Variants in STX7 observed in about 807,000 individuals in gnomAD.
STX7 encodes the protein syntaxin-7.
STX7 carries 34 observed loss-of-function variants against 39.6 expected under a neutral mutation model. That is an observed-to-expected ratio of 0.86 (90% CI 0.65 to 1.14). The LOEUF (loss-of-function observed/expected upper bound fraction) is 1.14, where lower values mean the gene tolerates loss of function less well. STX7 is among the 50% of genes most tolerant of loss of function. The pLI, the probability that STX7 is intolerant of heterozygous loss-of-function variation, is 0.00. For missense variants in STX7, 284 were observed against 310.4 expected (o/e 0.92, Z 0.64); for synonymous variants, 119 against 99.1 (o/e 1.20, Z -1.19).
intron 2 of STX7, among the ~76,000 whole-genome samples, chr6:132,489,252 A>T (rs543560681): frequency 1.8e-4 from 27 of 151,796 alleles, no homozygotes; most frequent in Non-Finnish European, 3.2e-4. Flanking sequence ...AACATTTTAG[A>T]AATGGCATAG....
At chr6:132,477,920 TAACAA>T (rs1774914704) in intron 2 of STX7, among the ~76,000 whole-genome samples, 1 of 152,152 alleles carries the variant, frequency 6.6e-6, no homozygotes, top group Non-Finnish European at 1.5e-5. Flanking sequence ...AATGTGTACA[TAACAA>T]AACTTCAACT....
At chr6:132,504,240 GT>G (rs1391212225) in intron 1 of STX7, among the ~76,000 whole-genome samples, 2 of 152,160 alleles carry the variant, frequency 1.3e-5, no homozygotes, top group African/African-American at 4.8e-5. Context: ...AATGGAAAAG[GT>G]TAAATCTGAA....
intron 3 of STX7, among the ~76,000 whole-genome samples, chr6:132,473,497 GTTT>G (rs1241957879): frequency 3.3e-5 from 4 of 123,048 alleles, no homozygotes; most frequent in Non-Finnish European, 7.0e-5. Context: ...TTATAGTTCA[GTTT>G]TTTTTTTTAT....
chr6:132,500,703 C>T (rs548413721), intron 2 of STX7, among the ~76,000 whole-genome samples: 2 of 152,272 alleles, frequency 1.3e-5, no homozygotes, highest in East Asian at 3.9e-4. Flanking sequence ...CTATGTATCC[C>T]AAAAATTATT....
chr6:132,487,976 G>A (rs1775180953), intron 2 of STX7, among the ~76,000 whole-genome samples: 1 of 152,092 alleles, frequency 6.6e-6, no homozygotes, highest in Non-Finnish European at 1.5e-5. Flanking sequence ...TTCTTAGGGT[G>A]AAAACTGACG....
intron 1 of STX7, among the ~76,000 whole-genome samples, chr6:132,510,385 A>C (rs1277796412): frequency 2.6e-5 from 4 of 152,204 alleles, no homozygotes; most frequent in Non-Finnish European, 5.9e-5. Context: ...TAAAATAATA[A>C]AAGCAAAAAA....
chr6:132,455,321 T>TA lies in STX7; in HGVS notation c.*5436dup, dbSNP rs1774219803. 1 of 152,214 alleles carries TA rather than the reference T, an allele frequency of 6.6e-6. No individual in the cohort carries two copies. The highest frequency in any genetic ancestry group is 1.5e-5 in the Non-Finnish European group (1 of 68,028). The allele number at this position is 152,214 out of a possible 1,614,324, so 9.4% of individuals were successfully genotyped here. On this transcript the variant is annotated 3_prime_UTR_variant, in exon 10 of 10. Transcript: ENST00000367941. ...GTGAAACTAGGTATCAGAAAAATCT[T>TA]AGTCGAGGCTAAATAACTGCATTTA...
chr6:132,500,282 AC>A (rs1775526547), intron 2 of STX7, among the ~76,000 whole-genome samples: 2 of 151,844 alleles, frequency 1.3e-5, no homozygotes, highest in Admixed American at 6.6e-5. Flanking sequence ...TTCCTGAACC[AC>A]CTGCAAGGCC....
intron 5 of STX7, 80 bp from the exon 6 acceptor site, chr6:132,470,706 C>T (rs1774692181): frequency 3.0e-6 from 3 of 990,198 alleles, no homozygotes; most frequent in Non-Finnish European, 4.8e-6. Context: ...CATATTTTCC[C>T]TTATAATAAA....
In STX7 at chr6:132,456,333, C is replaced by T. The variant is rs1774243247; in HGVS notation, c.*4425G>A. 6.6e-5 allele frequency: 10 copies of T among 152,204 alleles called. No individual in the cohort carries two copies. Among genetic ancestry groups the T allele is most frequent in the Admixed American group, 6.5e-4 (10 of 15,284 alleles). 9.4% of individuals were successfully genotyped at this position (152,204 alleles called of 1,614,324 possible). A position where few individuals can be genotyped will look rare whatever the true frequency, so the allele number is the denominator to read the frequency against. On this transcript the variant is annotated 3_prime_UTR_variant, in exon 10 of 10. Transcript: ENST00000367941. ...TTTAGACATTCCCTTTCTTCCTTGC[C>T]TCATTCCTTTCACACAGCTATTTCC...
At chr6:132,505,237 G>A (rs1775667665) in intron 1 of STX7, among the ~76,000 whole-genome samples, 1 of 152,214 alleles carries the variant, frequency 6.6e-6, no homozygotes, top group South Asian at 2.1e-4. Context: ...CTGATGCCAA[G>A]GCTATCCATG....
rs1264003015 is a variant in STX7, at chr6:132,454,674, T to C, written c.*6084A>G. On this transcript the variant is annotated 3_prime_UTR_variant, in exon 10 of 10. Coordinates refer to ENST00000367941, the MANE Select transcript of STX7 (RefSeq NM_003569.3). ...TAAAACAACATAGAAAATTTCTAAA[T>C]GACTAAGAAAAATGTTTGACCACAG... 1 of 152,104 alleles carries C rather than the reference T, an allele frequency of 6.6e-6. No individual in the cohort carries two copies. The highest frequency in any genetic ancestry group is 6.5e-5 in the Admixed American group (1 of 15,276). The allele number at this position is 152,104 out of a possible 1,614,324, so 9.4% of individuals were successfully genotyped here.
chr6:132,451,570 A>G lies in STX7; in HGVS notation c.*9188T>C, dbSNP rs1013858864. 4 of 152,242 alleles carry G rather than the reference A, an allele frequency of 2.6e-5. No individual in the cohort carries two copies. Among genetic ancestry groups the G allele is most frequent in the African/African-American group, 9.6e-5 (4 of 41,466 alleles). 9.4% of individuals were successfully genotyped at this position (152,242 alleles called of 1,614,324 possible). On this transcript the variant is annotated 3_prime_UTR_variant, in exon 10 of 10. Coordinates refer to ENST00000367941, the MANE Select transcript of STX7 (RefSeq NM_003569.3). Reference sequence around the variant, plus strand: ...ACAATAATAATAATAAGGCTAAAGGAGTGCTCTAAACAGAAAGGAAATGAT... The same window carrying G: ...ACAATAATAATAATAAGGCTAAAGGGGTGCTCTAAACAGAAAGGAAATGAT...
intron 7 of STX7, among the ~76,000 whole-genome samples, chr6:132,469,438 G>A (rs1738770227): frequency 6.6e-6 from 1 of 152,134 alleles, no homozygotes; most frequent in Non-Finnish European, 1.5e-5. Flanking sequence ...GTAGGAGGGA[G>A]TATGATCCCT....
At chr6:132,492,918 C>T (rs1666089097) in intron 2 of STX7, among the ~76,000 whole-genome samples, 3 of 152,126 alleles carry the variant, frequency 2.0e-5, no homozygotes, top group Admixed American at 2.0e-4. Context: ...GCCACCCTGC[C>T]CCACTCTCCT....
At chr6:132,462,335 T>G (rs1774428317) in intron 9 of STX7, among the ~76,000 whole-genome samples, 1 of 152,194 alleles carries the variant, frequency 6.6e-6, no homozygotes, top group Non-Finnish European at 1.5e-5. Context: ...CTCGTCCCGC[T>G]TCGGGAGCTG....
intron 6 of STX7, 91 bp from the exon 7 acceptor site, chr6:132,470,138 G>C: frequency 2.2e-6 from 2 of 913,932 alleles, no homozygotes; most frequent in Admixed American, 3.8e-5. Context: ...TCATTAAATA[G>C]GATATTTTAT....
rs1028215022 is a variant in STX7 at position 132,447,588 on chromosome 6, C to CT, written c.*13169dup. Reference sequence around the variant, plus strand: ...TTCCGTTTTGCCCTCTACATTTTTACTTTAATAACTTTGTTTAGAACTGTT... The same window carrying CT: ...TTCCGTTTTGCCCTCTACATTTTTACTTTTAATAACTTTGTTTAGAACTGTT... On this transcript the variant is annotated 3_prime_UTR_variant, in exon 10 of 10. Transcript: ENST00000367941. 11 of 152,022 alleles carry CT rather than the reference C, an allele frequency of 7.2e-5. No homozygotes were observed. Among genetic ancestry groups the CT allele is most frequent in the African/African-American group, 2.7e-4 (11 of 41,488 alleles). 9.4% of individuals were successfully genotyped at this position (152,022 alleles called of 1,614,324 possible).
intron 2 of STX7, among the ~76,000 whole-genome samples, chr6:132,478,059 G>A (rs1026372422): frequency 7.3e-5 from 11 of 150,442 alleles, no homozygotes; most frequent in South Asian, 2.1e-4. Flanking sequence ...AAGAAAGAGG[G>A]AGCAATAGTC....
Sources: allele counts gnomAD v4.1 joint callset (sites outside exome capture counted in the v4.1 genomes callset), GRCh38; gene constraint gnomAD v4.1.1; transcripts MANE v1.5; gene names NCBI Gene and HGNC (gene_info 2026-07-23, HGNC 2026-07-21).